TGFBR3: variants seen among roughly 807,000 people sequenced by gnomAD.
TGFBR3 encodes transforming growth factor beta receptor type 3.
TGFBR3 carries 46 observed loss-of-function variants against 87.9 expected under a neutral mutation model. The ratio of observed to expected loss-of-function variants is 0.52; its 90% CI spans 0.41 to 0.67. TGFBR3 has a LOEUF of 0.67. TGFBR3 is among the 30% of genes least tolerant of loss of function. The pLI is 0.00. For synonymous variants in TGFBR3, 381 were observed against 391.6 expected (o/e 0.97, Z 0.32); for missense variants, 866 against 1,041.9 (o/e 0.83, Z 2.32).
At chr1:91,800,075 G>A (rs555080761) in intron 2 of TGFBR3, among the ~76,000 whole-genome samples, 53 of 151,702 alleles carry the variant, frequency 3.5e-4, no homozygotes, top group African/African-American at 1.2e-3. Flanking sequence ...CTGATGAAGT[G>A]ACAGGACAGC....
At chr1:91,824,244 G>A (rs1676554229) in intron 2 of TGFBR3, among the ~76,000 whole-genome samples, 1 of 152,160 alleles carries the variant, frequency 6.6e-6, no homozygotes, top group South Asian at 2.1e-4. Context: ...ACAGACTCTG[G>A]AGCCAGACTG....
At chr1:91,723,832 T>G (rs1234750400) in intron 7 of TGFBR3, among the ~76,000 whole-genome samples, 1 of 152,240 alleles carries the variant, frequency 6.6e-6, no homozygotes, top group African/African-American at 2.4e-5. Flanking sequence ...TTCTCCTGCA[T>G]GCATGCAGCA....
At chr1:91,803,645 C>G (rs538624553) in intron 2 of TGFBR3, among the ~76,000 whole-genome samples, 37 of 151,972 alleles carry the variant, frequency 2.4e-4, no homozygotes, top group African/African-American at 8.9e-4. Flanking sequence ...AATTAATGTA[C>G]TTGCCTTCTT....
At chr1:91,822,863 T>C (rs1168316130) in intron 2 of TGFBR3, among the ~76,000 whole-genome samples, 2 of 151,924 alleles carry the variant, frequency 1.3e-5, no homozygotes, top group Non-Finnish European at 2.9e-5. Context: ...GAGCCAGAGG[T>C]TGCAGCGAGC....
intron 1 of TGFBR3, among the ~76,000 whole-genome samples, chr1:91,884,480 G>A (rs913905233): frequency 4.6e-5 from 7 of 152,120 alleles, no homozygotes; most frequent in Non-Finnish European, 7.4e-5. Context: ...AGAGATATGC[G>A]TTCAGCTCAA....
chr1:91,744,703 A>G lies in TGFBR3; in HGVS notation c.385-9744T>C, dbSNP rs186457287. Among the ~76,000 whole-genome samples the G allele has an allele frequency of 4.7e-3, 720 of 152,338 alleles. 5 individuals carry two copies. The highest frequency in any genetic ancestry group is 0.014 in the South Asian group (69 of 4,828). ...ACTACATTATAATCCTCCCTCTACCACTCATGATTCTGACGCATACTTGAG... is the reference window on the plus strand; with the variant it reads ...ACTACATTATAATCCTCCCTCTACCGCTCATGATTCTGACGCATACTTGAG... On this transcript the variant is annotated intron_variant, in intron 4 of 16. Transcript: ENST00000212355.
rs376113740 is a variant in TGFBR3 at position 91,681,394 on chromosome 1, T to C, written c.*2345A>G. 98 of 403,590 alleles carry C rather than the reference T, an allele frequency of 2.4e-4. 1 individual carries two copies. The highest frequency in any genetic ancestry group is 1.9e-3 in the African/African-American group (91 of 47,898). 25.0% of individuals were successfully genotyped at this position (403,590 alleles called of 1,614,324 possible). ...CCAAACAAATAAAAGGTGATTTTTT[T>C]CCTCTCTCTCTCTTTTAAAAAGATC... On this transcript the variant is annotated 3_prime_UTR_variant, in exon 17 of 17. Coordinates refer to ENST00000212355, the MANE Select transcript of TGFBR3 (RefSeq NM_003243.5).
chr1:91,683,862 A>T lies in TGFBR3; in HGVS notation c.2438-5T>A. 1 of 1,593,106 alleles carries T rather than the reference A, an allele frequency of 6.3e-7. No individual in the cohort carries two copies. Among genetic ancestry groups the T allele is most frequent in the Non-Finnish European group, 8.6e-7 (1 of 1,169,088 alleles). Reference sequence around the variant, plus strand: ...GCTGCCTTCCTGCTGTCTCCCCTGCAGTTAATAAAGAAAAGGCAGAGTCAG... The same window carrying T: ...GCTGCCTTCCTGCTGTCTCCCCTGCTGTTAATAAAGAAAAGGCAGAGTCAG... On this transcript the variant is annotated splice_region_variant and splice_polypyrimidine_tract_variant and intron_variant, in intron 16 of 16. Transcript: ENST00000212355.
At chr1:91,882,945 T>C (rs1679153938) in intron 1 of TGFBR3, among the ~76,000 whole-genome samples, 1 of 152,170 alleles carries the variant, frequency 6.6e-6, no homozygotes, top group Admixed American at 6.6e-5. Flanking sequence ...TGCTGTTATT[T>C]AGGATTACTG....
chr1:91,697,975 A>C, intron 15 of TGFBR3, 114 bp downstream of exon 15: 1 of 949,516 alleles, frequency 1.1e-6, no homozygotes, highest in Non-Finnish European at 1.7e-6. Flanking sequence ...GGAAGGGGGA[A>C]TGAGAGCAGA....
intron 1 of TGFBR3, among the ~76,000 whole-genome samples, chr1:91,867,251 G>A (rs1279397830): frequency 6.6e-6 from 1 of 152,236 alleles, no homozygotes; most frequent in Non-Finnish European, 1.5e-5. Context: ...AAGAAAGGAG[G>A]AAGATTACTC....
chr1:91,835,827 CAAAAAAA>C (rs57326419), intron 2 of TGFBR3, among the ~76,000 whole-genome samples: 21 of 74,772 alleles, frequency 2.8e-4, no homozygotes, highest in East Asian at 3.5e-4. Flanking sequence ...GACTCCACCT[CAAAAAAA>C]AAAAAAAAAA....
chr1:91,872,823 T>C (rs750012523), intron 1 of TGFBR3, among the ~76,000 whole-genome samples: 2 of 152,144 alleles, frequency 1.3e-5, no homozygotes, highest in Non-Finnish European at 2.9e-5. Flanking sequence ...CCAAACCACT[T>C]GTAAGGATGG....
At chr1:91,716,424 T>G (rs1440931102) in intron 11 of TGFBR3, 30 bp from the exon 12 acceptor site, 2 of 1,614,188 alleles carry the variant, frequency 1.2e-6, no homozygotes, top group Non-Finnish European at 1.7e-6. Context: ...GGAAGATTAA[T>G]GACAGTCATA....
At chr1:91,821,721 G>A (rs951581148) in intron 2 of TGFBR3, among the ~76,000 whole-genome samples, 8 of 152,170 alleles carry the variant, frequency 5.3e-5, no homozygotes, top group Non-Finnish European at 2.9e-5. Flanking sequence ...GGATGCTGTA[G>A]AGAAAAGACC....
At chr1:91,890,880 A>C (rs910158250), upstream of TGFBR3, among the ~76,000 whole-genome samples, 1 of 150,438 alleles carries the variant, frequency 6.6e-6, no homozygotes, top group Admixed American at 6.7e-5. Flanking sequence ...CCTTCTACTC[A>C]TAAAAAGAGA....
intron 4 of TGFBR3, among the ~76,000 whole-genome samples, chr1:91,738,092 T>C (rs763735338): frequency 6.6e-6 from 1 of 152,232 alleles, no homozygotes; most frequent in African/African-American, 2.4e-5. Flanking sequence ...GCTTTCAAAC[T>C]GGAACATCAG....
At chr1:91,743,923 T>C (rs1388227295) in intron 4 of TGFBR3, among the ~76,000 whole-genome samples, 18 of 152,206 alleles carry the variant, frequency 1.2e-4, no homozygotes, top group Admixed American at 1.2e-3. Context: ...ACCTGAAATG[T>C]TGCTGGTTAA....
chr1:91,681,359 A>T lies in TGFBR3; in HGVS notation c.*2380T>A. ...TTTCTTGATCTGAATAATAATTCTG[A>T]CAATGAGACCCAAACAAATAAAAGG... On this transcript the variant is annotated 3_prime_UTR_variant, in exon 17 of 17. Coordinates refer to ENST00000212355, the MANE Select transcript of TGFBR3 (RefSeq NM_003243.5). 2.3e-6 allele frequency: 1 copy of T among 440,820 alleles called. No homozygotes were observed. Among genetic ancestry groups the T allele is most frequent in the Non-Finnish European group, 4.5e-6 (1 of 223,058 alleles). The allele number at this position is 440,820 out of a possible 1,614,324, so 27.3% of individuals were successfully genotyped here. A position where few individuals can be genotyped will look rare whatever the true frequency, so the allele number is the denominator to read the frequency against.
Sources: gnomAD v4.1 joint callset for allele counts (sites outside exome capture counted in the v4.1 genomes callset) on GRCh38, gnomAD v4.1.1 for gene constraint, MANE v1.5 for transcripts, NCBI Gene and HGNC (gene_info 2026-07-23, HGNC 2026-07-21) for gene names.